Variants in PRKACA observed in about 807,000 individuals in gnomAD.
The protein encoded by PRKACA is protein kinase cAMP-activated catalytic subunit alpha, also known as cAMP-dependent protein kinase catalytic subunit alpha.
A neutral mutation model predicts 45.8 loss-of-function variants in PRKACA; 9 were observed. The observed-to-expected ratio is 0.20, with a 90% CI of 0.12 to 0.34. The LOEUF is 0.34. Ranked by LOEUF, PRKACA falls within the 10% of genes least tolerant of loss-of-function variation. PRKACA has a pLI of 1.00. For synonymous variants in PRKACA, 160 were observed against 178.6 expected, an observed-to-expected ratio of 0.90 and a Z score of 0.83; for missense variants, 238 against 458.6, an observed-to-expected ratio of 0.52 and a Z score of 4.39.
intron 2 of PRKACA, 55 bp from the exon 3 acceptor site, chr19:14,106,943 G>A: frequency 1.9e-6 from 3 of 1,607,520 alleles, no homozygotes; most frequent in Admixed American, 1.7e-5. Context: ...GGCCTGCTTG[G>A]CTAAGGTCTG....
intron 5 of PRKACA, 181 bp from the exon 6 acceptor site, chr19:14,098,071 T>C (rs1358344495): frequency 1.5e-6 from 1 of 687,824 alleles, no homozygotes; most frequent in Non-Finnish European, 2.4e-6. Context: ...CACAGGAAAA[T>C]GGAATCACAG....
chr19:14,106,526 C>T (rs528718075), intron 3 of PRKACA, among the ~76,000 whole-genome samples: 2 of 152,188 alleles, frequency 1.3e-5, no homozygotes, highest in South Asian at 4.1e-4. Context: ...TGGTGGCAGG[C>T]GCCTGTAATC....
intron 1 of PRKACA, among the ~76,000 whole-genome samples, chr19:14,114,545 G>A (rs1309648818): frequency 6.6e-6 from 1 of 151,878 alleles, no homozygotes; most frequent in South Asian, 2.1e-4. Flanking sequence ...TGTGTCCTGG[G>A]GATCGGGGGC....
chr19:14,105,511 C>CA (rs199884443), intron 3 of PRKACA, among the ~76,000 whole-genome samples: 2,622 of 109,618 alleles, frequency 0.024, 69 homozygotes, highest in African/African-American at 0.073. Flanking sequence ...GACTCTGTCT[C>CA]AAAAAAAAAA....
rs185327367 is a variant in PRKACA, at chr19:14,098,374, G to A, written c.420-484C>T. The stretch of plus-strand genomic sequence containing the variant: ...TGTAATCCCAGCATTTTGGGGGGTC[G>A]AGGTGGGAAGATCGCTTGAGCCCAG... On this transcript the variant is annotated intron_variant, in intron 5 of 9. Coordinates refer to ENST00000308677, the MANE Select transcript of PRKACA (RefSeq NM_002730.4). 7.5e-4 allele frequency: 124 copies of A among 166,182 alleles called. 1 individual carries two copies. In the East Asian group the frequency reaches 0.019, roughly 25 times the overall value. The allele number at this position is 166,182 out of a possible 1,614,324, so 10.3% of individuals were successfully genotyped here.
At position 14,097,776 on chromosome 19, in the gene PRKACA, C is replaced by T; in HGVS notation, c.534G>A (p.Gln178=). 6.2e-7 allele frequency: 1 copy of T among 1,614,188 alleles called. No individual in the cohort carries two copies. The highest frequency in any genetic ancestry group is 8.5e-7 in the Non-Finnish European group (1 of 1,180,020). The change falls in exon 6 of 10, where the codon CAG becomes CAA. Residue 178 remains glutamine, a synonymous_variant. Coordinates refer to ENST00000308677, the MANE Select transcript of PRKACA (RefSeq NM_002730.4). The surrounding 1 kb of genome is among the most constrained non-coding windows in gnomAD (Gnocchi z 5.4). ...GCCTGGTGGGCACCTGAATGTAGCC[C>T]TGCTGGTCAATGAGCAGATTCTCCG... is the stretch of plus-strand genomic sequence containing the variant. ...LKPENLLIDQ[Q]GYIQVTDFGF...
At chr19:14,107,809 T>C (rs1599346476) in intron 1 of PRKACA, 1 of 1,000,818 alleles carries the variant, frequency 1.0e-6, no homozygotes. Context: ...GGGCCTGGGA[T>C]GGAGGCCTCG....
rs1427811817 is a variant in PRKACA at position 14,099,651 on chromosome 19, C to G, written c.419+1175G>C. On this transcript the variant is annotated intron_variant, in intron 5 of 9. Transcript: ENST00000308677. Reference sequence around the variant, plus strand: ...GGGTCTTGCTATGTAAGGCTGGTCTCAAATTCCTGGGCTCTAGCAATCTGC... The same window carrying G: ...GGGTCTTGCTATGTAAGGCTGGTCTGAAATTCCTGGGCTCTAGCAATCTGC... Among the ~76,000 whole-genome samples the G allele has an allele frequency of 1.1e-4, 17 of 148,608 alleles. No homozygotes were observed. The Admixed American group carries it at 1.1e-3, about 10-fold the overall frequency.
In PRKACA at chr19:14,093,159, G is replaced by T; in HGVS notation, c.1009C>A (p.Arg337=). 1 of 1,613,398 alleles carries T rather than the reference G, an allele frequency of 6.2e-7. No individual in the cohort carries two copies. Reference sequence around the variant, plus strand: ...CCACACTTCTCATTGATGGAGACCCGGATTTCTTCTTCCTCATAGTCGTCA... The same window carrying T: ...CCACACTTCTCATTGATGGAGACCCTGATTTCTTCTTCCTCATAGTCGTCA... ...NFDDYEEEEI[R]VSINEKCGKE... The change falls in exon 10 of 10, where the codon CGG becomes AGG. Residue 337 remains arginine, a synonymous_variant. Coordinates refer to ENST00000308677, the MANE Select transcript of PRKACA (RefSeq NM_002730.4).
intron 1 of PRKACA, among the ~76,000 whole-genome samples, chr19:14,109,989 T>C (rs1293482623): frequency 7.1e-4 from 58 of 81,810 alleles, no homozygotes; most frequent in African/African-American, 3.7e-3. Flanking sequence ...TATATATATA[T>C]ATATATATAT....
intron 1 of PRKACA, among the ~76,000 whole-genome samples, chr19:14,110,209 G>A (rs1234812870): frequency 6.6e-6 from 1 of 151,156 alleles, no homozygotes; most frequent in Non-Finnish European, 1.5e-5. Context: ...TTTCAGCTAA[G>A]CAGGAGGCTG....
intron 4 of PRKACA, 192 bp from the exon 5 acceptor site, chr19:14,101,100 G>GT: frequency 1.7e-6 from 1 of 583,486 alleles, no homozygotes; most frequent in South Asian, 1.9e-5. Context: ...TGGCTCAGAG[G>GT]TATGTCAGGA....
chr19:14,093,512 C>G (rs1487787229), intron 9 of PRKACA, 116 bp downstream of exon 9: 7 of 1,358,106 alleles, frequency 5.2e-6, no homozygotes, highest in East Asian at 2.3e-5. Flanking sequence ...GCTCTAAGCT[C>G]TCTACTCTAG....
intron 3 of PRKACA, among the ~76,000 whole-genome samples, chr19:14,104,722 A>C (rs1319138972): frequency 2.6e-5 from 4 of 151,748 alleles, no homozygotes; most frequent in Admixed American, 2.6e-4. Context: ...AAAATTAAAA[A>C]ATTAGCTGGG....
At chr19:14,103,491 A>G (rs1167625098) in intron 3 of PRKACA, among the ~76,000 whole-genome samples, 1 of 152,200 alleles carries the variant, frequency 6.6e-6, no homozygotes, top group Non-Finnish European at 1.5e-5. Flanking sequence ...CTAGAGGCCC[A>G]TGCTGGGAGT....
intron 2 of PRKACA, 120 bp downstream of exon 2, chr19:14,107,228 T>G: frequency 2.7e-6 from 3 of 1,097,996 alleles, no homozygotes; most frequent in Non-Finnish European, 4.0e-6. Flanking sequence ...AGGGAGCAAA[T>G]GGGGAGGGTC....
In PRKACA at chr19:14,117,638, G is replaced by A; in HGVS notation, c.-91C>T. 1 of 797,766 alleles carries A rather than the reference G, an allele frequency of 1.3e-6. No individual in the cohort carries two copies. Among genetic ancestry groups the A allele is most frequent in the Non-Finnish European group, 1.5e-6 (1 of 660,676 alleles). The allele number at this position is 797,766 out of a possible 1,614,324, so 49.4% of individuals were successfully genotyped here. A position where few individuals can be genotyped will look rare whatever the true frequency, so the allele number is the denominator to read the frequency against. ...GCCCCGGAGCGCGCTGGGCGGCGGC[G>A]GCGGCGGCCCTCGGGCTGGCTGCGC... is the stretch of plus-strand genomic sequence containing the variant. On this transcript the variant is annotated 5_prime_UTR_variant, in exon 1 of 10. Transcript: ENST00000308677.
At chr19:14,094,530 G>T (rs1890514005) in intron 8 of PRKACA, among the ~76,000 whole-genome samples, 1 of 152,206 alleles carries the variant, frequency 6.6e-6, no homozygotes, top group Admixed American at 6.5e-5. Context: ...CAATGGTGCT[G>T]CTGGAAAGGG....
intron 1 of PRKACA, among the ~76,000 whole-genome samples, chr19:14,109,937 C>CAAAAAAA (rs869056089): frequency 1.7e-4 from 3 of 17,548 alleles, no homozygotes; most frequent in African/African-American, 6.5e-4. Context: ...GACTCTGTCT[C>CAAAAAAA]AAAAAAAAAA....
Sources: allele counts gnomAD v4.1 joint callset (sites outside exome capture counted in the v4.1 genomes callset), GRCh38; gene constraint gnomAD v4.1.1; non-coding constraint Gnocchi (gnomAD v3.1); transcripts MANE v1.5; gene names NCBI Gene and HGNC (gene_info 2026-07-23, HGNC 2026-07-21).